The following MSN variants were observed in gnomAD, a reference collection of about 807,000 sequenced individuals.
The protein encoded by MSN is epididymis luminal protein 70.
In MSN, 2 loss-of-function variants were observed where a neutral mutation model predicts 48.0. The observed-to-expected ratio is 0.04, with a 90% CI of 0.02 to 0.13. The LOEUF is 0.13. Ranked by LOEUF, MSN falls within the 10% of genes least tolerant of loss-of-function variation. The pLI, the probability that MSN is intolerant of heterozygous loss-of-function variation, is 1.00. For synonymous variants in MSN, 146 were observed against 166.9 expected, an observed-to-expected ratio of 0.87 and a Z score of 0.97; for missense variants, 267 against 470.1, an observed-to-expected ratio of 0.57 and a Z score of 3.99.
chrX:65,593,937 G>T (rs1245489770), intron 1 of MSN, among the ~76,000 whole-genome samples: 1 of 112,295 alleles, frequency 8.9e-6, no homozygotes, highest in Non-Finnish European at 1.9e-5. Context: ...CCTTGATTGG[G>T]AGAGAAAAAC....
chrX:65,674,576 T>G (rs7051013), intron 1 of MSN, among the ~76,000 whole-genome samples: 1,663 of 112,244 alleles, frequency 0.015, 36 homozygotes, highest in African/African-American at 0.051. Flanking sequence ...CCTGTTTAAT[T>G]TTGAGCTCTG....
chrX:65,726,614 A>AGT (rs1399754995), intron 2 of MSN, among the ~76,000 whole-genome samples: 1 of 110,229 alleles, frequency 9.1e-6, no homozygotes, highest in Non-Finnish European at 1.9e-5. Context: ...TTTGTGAGTG[A>AGT]GTGTGTGTGT....
intron 1 of MSN, among the ~76,000 whole-genome samples, chrX:65,678,650 C>A (rs971524543): frequency 3.6e-5 from 4 of 111,539 alleles, no homozygotes. Context: ...CCTTCCCAGT[C>A]CTGAGCTGTC....
intron 1 of MSN, among the ~76,000 whole-genome samples, chrX:65,602,420 G>A (rs1415431331): frequency 9.0e-6 from 1 of 111,589 alleles, no homozygotes; most frequent in Non-Finnish European, 1.9e-5. Flanking sequence ...CCTGTTTCCA[G>A]TCTTTCCCCT....
chrX:65,688,641 C>G (rs1441250593), intron 1 of MSN, among the ~76,000 whole-genome samples: 2 of 111,927 alleles, frequency 1.8e-5, no homozygotes. Context: ...TTGGCCCTTC[C>G]CCCGTTCCAG....
At chrX:65,590,308 G>A (rs952949471) in intron 1 of MSN, among the ~76,000 whole-genome samples, 5 of 111,272 alleles carry the variant, frequency 4.5e-5, no homozygotes, top group African/African-American at 1.6e-4. Flanking sequence ...CCCATACCCA[G>A]GACTTTCTGT....
chrX:65,649,586 A>AT (rs200790731), intron 1 of MSN, among the ~76,000 whole-genome samples: 1,762 of 98,733 alleles, frequency 0.018, 63 homozygotes, highest in African/African-American at 0.064. Flanking sequence ...AAAAAAAAAA[A>AT]AAATATATAT....
intron 1 of MSN, among the ~76,000 whole-genome samples, chrX:65,610,555 G>T (rs1449033003): frequency 1.8e-5 from 2 of 111,982 alleles, no homozygotes; most frequent in Non-Finnish European, 3.8e-5. Context: ...GAATAATGCT[G>T]CAGTGAACAT....
At chrX:65,606,558 G>T (rs1421978865) in intron 1 of MSN, among the ~76,000 whole-genome samples, 3 of 112,077 alleles carry the variant, frequency 2.7e-5, no homozygotes, top group Non-Finnish European at 5.6e-5. Context: ...GGGTAGCTGG[G>T]ACTACAGGCA....
At chrX:65,736,515 A>G (rs1175408962) in intron 8 of MSN, among the ~76,000 whole-genome samples, 1 of 106,650 alleles carries the variant, frequency 9.4e-6, no homozygotes, top group Non-Finnish European at 1.9e-5. Flanking sequence ...GCTCACTGCA[A>G]CCTCCGCCTC....
intron 1 of MSN, among the ~76,000 whole-genome samples, chrX:65,604,910 A>G (rs1448214548): frequency 9.0e-6 from 1 of 111,685 alleles, no homozygotes; most frequent in East Asian, 2.8e-4. Flanking sequence ...ACCTCCCTAC[A>G]GTCAATGCTC....
At chrX:65,658,582 G>T (rs889091380) in intron 1 of MSN, among the ~76,000 whole-genome samples, 1 of 111,649 alleles carries the variant, frequency 9.0e-6, no homozygotes, top group Non-Finnish European at 1.9e-5. Flanking sequence ...GGGTCAGGGG[G>T]ATTCTTTTTG....
chrX:65,699,748 CAAAA>C (rs34875923), intron 1 of MSN, among the ~76,000 whole-genome samples: 3 of 43,034 alleles, frequency 7.0e-5, no homozygotes, highest in Non-Finnish European at 9.0e-5. Flanking sequence ...GAATCTGTTT[CAAAA>C]AAAAAAAAAA....
At chrX:65,702,007 CTT>C (rs370395222) in intron 1 of MSN, among the ~76,000 whole-genome samples, 5 of 93,725 alleles carry the variant, frequency 5.3e-5, no homozygotes, top group Admixed American at 1.2e-4. Flanking sequence ...ATTCAATTGG[CTT>C]TTTTTTTTTT....
intron 1 of MSN, among the ~76,000 whole-genome samples, chrX:65,648,146 T>A (rs1323538845): frequency 9.3e-6 from 1 of 107,207 alleles, no homozygotes. Context: ...GGGGGGGGCG[T>A]GAGGAAAAAG....
At chrX:65,696,225 TCACACA>T (rs111720807) in intron 1 of MSN, among the ~76,000 whole-genome samples, 2 of 102,259 alleles carry the variant, frequency 2.0e-5, no homozygotes, top group Admixed American at 1.0e-4. Flanking sequence ...GCTTGCTCAT[TCACACA>T]CACACACACA....
intron 1 of MSN, 142 bp from the exon 2 acceptor site, chrX:65,716,676 C>G (rs1376976926): frequency 2.0e-6 from 1 of 495,472 alleles, no homozygotes; most frequent in Non-Finnish European, 3.6e-6. Context: ...TCAATATTCT[C>G]CCTTCATCCC....
chrX:65,630,015 C>T (rs1201101783), intron 1 of MSN, among the ~76,000 whole-genome samples: 2 of 110,420 alleles, frequency 1.8e-5, no homozygotes, highest in Admixed American at 1.9e-4. Flanking sequence ...TCTGTCTCTA[C>T]AAAAAATACA....
chrX:65,659,969 T>C (rs765788277), intron 1 of MSN, among the ~76,000 whole-genome samples: 9 of 107,075 alleles, frequency 8.4e-5, no homozygotes, highest in African/African-American at 3.1e-4. Context: ...CAGTAGGGGG[T>C]AAGGTGGGGG....
Sources: allele counts gnomAD v4.1 joint callset (sites outside exome capture counted in the v4.1 genomes callset), GRCh38; gene constraint gnomAD v4.1.1; transcripts MANE v1.5; gene names NCBI Gene and HGNC (gene_info 2026-07-23, HGNC 2026-07-21).